The following NXPH1 variants were observed in gnomAD, a reference collection of about 807,000 sequenced individuals.
NXPH1 encodes the protein neurexophilin-1.
In NXPH1, 5 loss-of-function variants were observed where a neutral mutation model predicts 23.7. The observed-to-expected ratio is 0.21, with a 90% CI of 0.11 to 0.44. The LOEUF is 0.44. Among genes scored for constraint, NXPH1 ranks in the 20% least tolerant of loss-of-function variants. The pLI is 0.99. For synonymous variants in NXPH1, 144 were observed against 122.2 expected (o/e 1.18, Z -1.18); for missense variants, 324 against 321.6 (o/e 1.01, Z -0.06).
intron 2 of NXPH1, among the ~76,000 whole-genome samples, chr7:8,737,141 A>T (rs1249698063): frequency 2.0e-5 from 3 of 152,006 alleles, no homozygotes; most frequent in Admixed American, 6.6e-5. Flanking sequence ...TTTAAAGTTA[A>T]TATTGTTGTG....
At chr7:8,729,609 T>C (rs1309734728) in intron 2 of NXPH1, among the ~76,000 whole-genome samples, 2 of 135,744 alleles carry the variant, frequency 1.5e-5, no homozygotes, top group Non-Finnish European at 3.1e-5. Flanking sequence ...CCAGTAGTCA[T>C]TCAGGAGCAG....
At chr7:8,525,854 C>T (rs1817853237) in intron 2 of NXPH1, among the ~76,000 whole-genome samples, 3 of 152,214 alleles carry the variant, frequency 2.0e-5, no homozygotes, top group African/African-American at 7.2e-5. Context: ...AAGTTTGCTG[C>T]AGGGGTGGAG....
intron 2 of NXPH1, among the ~76,000 whole-genome samples, chr7:8,651,863 ATTAG>A (rs1820496202): frequency 6.6e-6 from 1 of 152,232 alleles, no homozygotes; most frequent in African/African-American, 2.4e-5. Flanking sequence ...GGCTAAAATA[ATTAG>A]TTCTTTTTTG....
intron 2 of NXPH1, among the ~76,000 whole-genome samples, chr7:8,546,927 A>C (rs1036340620): frequency 6.6e-6 from 1 of 151,462 alleles, no homozygotes; most frequent in Non-Finnish European, 1.5e-5. Context: ...TTCTGGTGCC[A>C]CAAGTTGTAG....
intron 2 of NXPH1, among the ~76,000 whole-genome samples, chr7:8,531,789 TC>T (rs540902093): frequency 1.5e-4 from 23 of 152,318 alleles, no homozygotes; most frequent in African/African-American, 5.3e-4. Flanking sequence ...TCTTAAATAA[TC>T]AAGCTGTTTT....
chr7:8,568,972 A>G (rs1207154247), intron 2 of NXPH1, among the ~76,000 whole-genome samples: 1 of 151,910 alleles, frequency 6.6e-6, no homozygotes, highest in Non-Finnish European at 1.5e-5. Context: ...ATTAGAAAAA[A>G]ATTATAATTT....
chr7:8,624,281 T>G (rs912073560), intron 2 of NXPH1, among the ~76,000 whole-genome samples: 2 of 151,734 alleles, frequency 1.3e-5, no homozygotes, highest in African/African-American at 4.8e-5. Context: ...AGGGAGAGAA[T>G]GTACTTGTTT....
intron 2 of NXPH1, among the ~76,000 whole-genome samples, chr7:8,477,335 A>ATTT (rs149828257): frequency 6.6e-6 from 1 of 151,308 alleles, no homozygotes; most frequent in Non-Finnish European, 1.5e-5. Context: ...CCGGAGCTGT[A>ATTT]TTTTTTTTTA....
intron 2 of NXPH1, among the ~76,000 whole-genome samples, chr7:8,662,432 TG>T (rs1457811542): frequency 1.3e-5 from 2 of 152,200 alleles, no homozygotes; most frequent in East Asian, 3.9e-4. Context: ...CTTAAGTTAC[TG>T]GAACTTTTTG....
At chr7:8,637,029 G>A (rs1033666939) in intron 2 of NXPH1, among the ~76,000 whole-genome samples, 55 of 152,198 alleles carry the variant, frequency 3.6e-4, no homozygotes, top group African/African-American at 1.3e-3. Context: ...CCCTGTGCAT[G>A]GTACAAAAAT....
chr7:8,638,093 C>G (rs779642837), intron 2 of NXPH1, among the ~76,000 whole-genome samples: 1 of 152,164 alleles, frequency 6.6e-6, no homozygotes, highest in Non-Finnish European at 1.5e-5. Flanking sequence ...AAAACTCCAG[C>G]TTGTAGCGAC....
rs1296004497 is a variant in NXPH1, at chr7:8,707,695, A to C, written c.55-43313A>C. 2.6e-5 allele frequency among the ~76,000 whole-genome samples: 4 copies of C among 152,116 alleles called. No individual in the cohort carries two copies. In the East Asian group the frequency reaches 5.8e-4, roughly 22 times the overall value. ...ACATATGAGAGATGAGCATTGGTCT[A>C]ATATTCAAAGGCCTAACTCTAGGAT... On this transcript the variant is annotated intron_variant, in intron 2 of 2. Transcript: ENST00000405863.
intron 2 of NXPH1, among the ~76,000 whole-genome samples, chr7:8,640,557 A>T (rs1014017263): frequency 7.9e-5 from 12 of 151,968 alleles, no homozygotes; most frequent in African/African-American, 2.9e-4. Context: ...AATTGGCTTT[A>T]TTGTGTGTTT....
intron 2 of NXPH1, among the ~76,000 whole-genome samples, chr7:8,694,673 A>T (rs1821277490): frequency 6.6e-6 from 1 of 152,178 alleles, no homozygotes; most frequent in Non-Finnish European, 1.5e-5. Context: ...ATAGTATTAT[A>T]ATTAACAAAT....
intron 2 of NXPH1, among the ~76,000 whole-genome samples, chr7:8,710,575 G>A (rs1035312457): frequency 1.3e-5 from 2 of 148,430 alleles, no homozygotes; most frequent in South Asian, 2.1e-4. Flanking sequence ...AAAATCAACT[G>A]CCAAACTCAT....
chr7:8,689,390 T>C (rs1583231560), intron 2 of NXPH1, among the ~76,000 whole-genome samples: 2 of 150,956 alleles, frequency 1.3e-5, no homozygotes, highest in East Asian at 3.9e-4. Flanking sequence ...AAATGGGAAA[T>C]TGAGGGAAGC....
chr7:8,606,798 C>T (rs1326682793), intron 2 of NXPH1, among the ~76,000 whole-genome samples: 2 of 152,050 alleles, frequency 1.3e-5, no homozygotes, highest in African/African-American at 2.4e-5. Flanking sequence ...TAAATCAAGA[C>T]ATGATAGTGA....
intron 2 of NXPH1, among the ~76,000 whole-genome samples, chr7:8,612,201 C>T (rs560456105): frequency 1.4e-4 from 21 of 151,360 alleles, no homozygotes; most frequent in Admixed American, 1.3e-3. Flanking sequence ...TACCTCTCTC[C>T]ATCCCTCTTT....
intron 2 of NXPH1, among the ~76,000 whole-genome samples, chr7:8,501,471 T>G (rs1339576383): frequency 6.6e-6 from 1 of 152,090 alleles, no homozygotes; most frequent in Admixed American, 6.5e-5. Context: ...GGAATCCATA[T>G]GTCTTATGAA....
Sources: gnomAD v4.1 joint callset for allele counts (sites outside exome capture counted in the v4.1 genomes callset) on GRCh38, gnomAD v4.1.1 for gene constraint, MANE v1.5 for transcripts, NCBI Gene and HGNC (gene_info 2026-07-23, HGNC 2026-07-21) for gene names.